Variants in ARHGAP15 observed in about 807,000 individuals in gnomAD.
ARHGAP15 encodes rho GTPase-activating protein 15.
ARHGAP15 carries 51 observed loss-of-function variants against 63.7 expected under a neutral mutation model. That is an observed-to-expected ratio of 0.80 (90% CI 0.64 to 1.01). The LOEUF (loss-of-function observed/expected upper bound fraction) is 1.01, where lower values mean the gene tolerates loss of function less well. ARHGAP15 is among the 50% of genes least tolerant of loss of function. The pLI, the probability that ARHGAP15 is intolerant of heterozygous loss-of-function variation, is 0.00. For missense variants in ARHGAP15, 560 were observed against 564.6 expected (o/e 0.99, Z 0.08); for synonymous variants, 191 against 193.8 (o/e 0.99, Z 0.12).
At chr2:143,148,811 G>A (rs1298071683) in intron 1 of ARHGAP15, among the ~76,000 whole-genome samples, 1 of 152,044 alleles carries the variant, frequency 6.6e-6, no homozygotes, top group East Asian at 1.9e-4. Flanking sequence ...AGCTTACAGA[G>A]TGGTCGGGGA....
At chr2:143,445,247 G>A (rs974329862) in intron 8 of ARHGAP15, among the ~76,000 whole-genome samples, 28 of 123,278 alleles carry the variant, frequency 2.3e-4, no homozygotes, top group Admixed American at 1.8e-3. Flanking sequence ...TACAACCTCC[G>A]CCTCCCAAGT....
chr2:143,168,436 T>C (rs1574039854), intron 2 of ARHGAP15, among the ~76,000 whole-genome samples: 2 of 152,010 alleles, frequency 1.3e-5, no homozygotes, highest in Admixed American at 1.3e-4. Flanking sequence ...ACCTTGGCCT[T>C]CCAAAGTGCT....
chr2:143,315,279 G>A (rs1683648626), intron 6 of ARHGAP15, among the ~76,000 whole-genome samples: 1 of 151,802 alleles, frequency 6.6e-6, no homozygotes, highest in Non-Finnish European at 1.5e-5. Flanking sequence ...ATAACATTAC[G>A]GTACTATATT....
intron 13 of ARHGAP15, among the ~76,000 whole-genome samples, chr2:143,714,756 C>T (rs1243620753): frequency 6.6e-6 from 1 of 152,196 alleles, no homozygotes; most frequent in Non-Finnish European, 1.5e-5. Context: ...AGTCTCTTTG[C>T]CAAAACATAA....
At chr2:143,194,621 G>T (rs1254605820) in intron 2 of ARHGAP15, among the ~76,000 whole-genome samples, 1 of 152,086 alleles carries the variant, frequency 6.6e-6, no homozygotes, top group East Asian at 1.9e-4. Flanking sequence ...CTTGGCTCTG[G>T]TGGTTCTTAT....
intron 13 of ARHGAP15, among the ~76,000 whole-genome samples, chr2:143,715,543 A>G (rs534032096): frequency 6.6e-6 from 1 of 152,226 alleles, no homozygotes; most frequent in African/African-American, 2.4e-5. Flanking sequence ...TTCTGATTAT[A>G]AAAATAATAA....
chr2:143,405,814 T>G (rs1275350071), intron 6 of ARHGAP15, among the ~76,000 whole-genome samples: 1 of 151,922 alleles, frequency 6.6e-6, no homozygotes, highest in Non-Finnish European at 1.5e-5. Flanking sequence ...TGCATAAGAA[T>G]ATTGACATAA....
At chr2:143,377,428 TAAA>T (rs1187920355) in intron 6 of ARHGAP15, among the ~76,000 whole-genome samples, 2 of 151,810 alleles carry the variant, frequency 1.3e-5, no homozygotes, top group Non-Finnish European at 2.9e-5. Flanking sequence ...ATTGAAAAAA[TAAA>T]ATAATAATGC....
chr2:143,412,177 A>G (rs191373023), intron 6 of ARHGAP15, among the ~76,000 whole-genome samples: 87 of 152,286 alleles, frequency 5.7e-4, no homozygotes, highest in Admixed American at 3.7e-3. Context: ...AAGGGTTAGG[A>G]ACGGAGGCAG....
intron 2 of ARHGAP15, among the ~76,000 whole-genome samples, chr2:143,194,486 A>C (rs1240196232): frequency 6.6e-6 from 1 of 152,218 alleles, no homozygotes; most frequent in East Asian, 1.9e-4. Flanking sequence ...GTAGAATAAA[A>C]TGTTTATATG....
chr2:143,539,248 C>A (rs1022004537), intron 10 of ARHGAP15, among the ~76,000 whole-genome samples: 1 of 151,986 alleles, frequency 6.6e-6, no homozygotes, highest in African/African-American at 2.4e-5. Flanking sequence ...TTTTTTATTG[C>A]GTCTATTTGA....
chr2:143,528,020 A>G (rs188649011), intron 10 of ARHGAP15, among the ~76,000 whole-genome samples: 4 of 152,206 alleles, frequency 2.6e-5, no homozygotes, highest in East Asian at 1.9e-4. Context: ...ATACACAGCT[A>G]TGCTAAACAA....
intron 9 of ARHGAP15, among the ~76,000 whole-genome samples, chr2:143,509,777 C>A (rs1693494647): frequency 6.6e-6 from 1 of 151,986 alleles, no homozygotes; most frequent in Non-Finnish European, 1.5e-5. Flanking sequence ...AATTCCAGCA[C>A]CTTGGGAGGC....
intron 8 of ARHGAP15, among the ~76,000 whole-genome samples, chr2:143,459,878 A>G (rs1690852024): frequency 6.6e-6 from 1 of 152,154 alleles, no homozygotes; most frequent in African/African-American, 2.4e-5. Flanking sequence ...CTAAGTATGA[A>G]GCATACTTAG....
At chr2:143,284,714 A>G (rs1263386488) in intron 6 of ARHGAP15, among the ~76,000 whole-genome samples, 1 of 152,180 alleles carries the variant, frequency 6.6e-6, no homozygotes, top group Non-Finnish European at 1.5e-5. Flanking sequence ...ACAAACCTGA[A>G]ATTAAACATC....
chr2:143,742,267 C>A (rs1157916017), intron 13 of ARHGAP15, among the ~76,000 whole-genome samples: 2 of 152,222 alleles, frequency 1.3e-5, no homozygotes, highest in Non-Finnish European at 2.9e-5. Flanking sequence ...ATGGTTGGTG[C>A]AAACCTGAAA....
intron 5 of ARHGAP15, among the ~76,000 whole-genome samples, chr2:143,233,941 G>T (rs2104925928): frequency 6.6e-6 from 1 of 152,138 alleles, no homozygotes; most frequent in Non-Finnish European, 1.5e-5. Flanking sequence ...CACCGCACCA[G>T]GCCCAATGGC....
At chr2:143,588,514 G>T (rs1428699018) in intron 11 of ARHGAP15, among the ~76,000 whole-genome samples, 1 of 152,092 alleles carries the variant, frequency 6.6e-6, no homozygotes, top group African/African-American at 2.4e-5. Flanking sequence ...GCCCTGGTGG[G>T]TGTCGTTCCC....
chr2:143,367,157 A>G (rs541558190), intron 6 of ARHGAP15, among the ~76,000 whole-genome samples: 7 of 152,094 alleles, frequency 4.6e-5, no homozygotes, highest in Middle Eastern at 3.4e-3. Flanking sequence ...GTTTTTTCCT[A>G]TTCTTTGGGT....
Sources: gnomAD v4.1 joint callset for allele counts (sites outside exome capture counted in the v4.1 genomes callset) on GRCh38, gnomAD v4.1.1 for gene constraint, MANE v1.5 for transcripts, NCBI Gene and HGNC (gene_info 2026-07-23, HGNC 2026-07-21) for gene names.